Variants in CHLSN observed in about 807,000 individuals in gnomAD.
CHLSN encodes protein cholesin.
the CHLSN span, among the ~76,000 whole-genome samples, chr7:1,123,536 C>T: frequency 6.6e-6 from 1 of 152,040 alleles, no homozygotes; most frequent in African/African-American, 2.4e-5. This position sits in a 1 kb window ranked among gnomAD's most constrained non-coding sequence, Gnocchi z 4.4. Flanking sequence ...GAATGCTGCT[C>T]CCCAGGCCCA....
chr7:987,124 CCT>C, the CHLSN span: 4 of 1,564,638 alleles, frequency 2.6e-6, no homozygotes, highest in Non-Finnish European at 3.5e-6. Context: ...ACCCCGAGGG[CCT>C]GTTTGCTGAG....
the CHLSN span, among the ~76,000 whole-genome samples, chr7:1,102,852 A>G: frequency 6.6e-6 from 1 of 152,280 alleles, no homozygotes; most frequent in African/African-American, 2.4e-5. Flanking sequence ...CAGGGGCTTC[A>G]GTAAGAAAAA....
the CHLSN span, among the ~76,000 whole-genome samples, chr7:1,006,689 G>A: frequency 1.3e-5 from 2 of 148,754 alleles, no homozygotes; most frequent in East Asian, 2.0e-4. Flanking sequence ...AGCGCACGAC[G>A]GTCATACTGC....
At chr7:1,087,768 GA>G in the CHLSN span, among the ~76,000 whole-genome samples, 1 of 152,210 alleles carries the variant, frequency 6.6e-6, no homozygotes, top group Non-Finnish European at 1.5e-5. Context: ...AGTTAATTAT[GA>G]AATTTAGTGT....
the CHLSN span, chr7:989,662 T>A: frequency 6.5e-6 from 1 of 154,714 alleles, no homozygotes; most frequent in African/African-American, 2.4e-5. Context: ...GTGCCTGTAA[T>A]CCCAGCTACT....
chr7:1,017,696 G>A, the CHLSN span, among the ~76,000 whole-genome samples: 5 of 152,224 alleles, frequency 3.3e-5, no homozygotes, highest in Non-Finnish European at 4.4e-5. Context: ...ACCCCAACAC[G>A]TGAACTGACT....
At chr7:1,045,497 GCTTTAAAGGC>G in the CHLSN span, 1 of 152,250 alleles carries the variant, frequency 6.6e-6, no homozygotes, top group Admixed American at 6.5e-5. Context: ...CAAGAGGCTT[GCTTTAAAGGC>G]CTCTGCAAAC....
At chr7:1,030,618 C>T in the CHLSN span, among the ~76,000 whole-genome samples, 1 of 152,216 alleles carries the variant, frequency 6.6e-6, no homozygotes, top group Non-Finnish European at 1.5e-5. Context: ...CCCAGTGACC[C>T]ACCTGTAGGG....
At chr7:1,068,613 G>A in the CHLSN span, among the ~76,000 whole-genome samples, 1 of 152,078 alleles carries the variant, frequency 6.6e-6, no homozygotes, top group East Asian at 1.9e-4. Context: ...CTGGGTTGCC[G>A]ATGCCTGCTT....
At chr7:999,080 CGTGT>C in the CHLSN span, among the ~76,000 whole-genome samples, 18 of 151,268 alleles carry the variant, frequency 1.2e-4, no homozygotes, top group African/African-American at 2.2e-4. Context: ...GATAACTTTG[CGTGT>C]GTGTGTGTGT....
At chr7:1,117,501 A>C in the CHLSN span, among the ~76,000 whole-genome samples, 1 of 105,980 alleles carries the variant, frequency 9.4e-6, no homozygotes, top group Non-Finnish European at 1.8e-5. Flanking sequence ...CATCACCGAC[A>C]TCCACGCAGG....
the CHLSN span, among the ~76,000 whole-genome samples, chr7:1,046,066 A>G: frequency 1.3e-5 from 2 of 148,436 alleles, no homozygotes; most frequent in African/African-American, 5.0e-5. Context: ...TAGGATGTAA[A>G]GGCTGATTAT....
the CHLSN span, among the ~76,000 whole-genome samples, chr7:1,050,646 C>T: frequency 4.9e-4 from 75 of 152,330 alleles, no homozygotes; most frequent in Middle Eastern, 3.4e-3. Flanking sequence ...GGGCTTGGAA[C>T]GCCGCAGCCT....
the CHLSN span, among the ~76,000 whole-genome samples, chr7:1,015,767 G>C: frequency 6.6e-6 from 1 of 152,170 alleles, no homozygotes; most frequent in Admixed American, 6.5e-5. Context: ...ACCAAGGCAG[G>C]AGCGCATCCC....
At chr7:1,057,825 G>A in the CHLSN span, 2 of 777,440 alleles carry the variant, frequency 2.6e-6, no homozygotes, top group Non-Finnish European at 2.4e-6. Context: ...AGTCCACGTG[G>A]CACTGCAGAT....
the CHLSN span, among the ~76,000 whole-genome samples, chr7:1,130,912 G>A: frequency 6.6e-6 from 1 of 152,348 alleles, no homozygotes; most frequent in South Asian, 2.1e-4. Flanking sequence ...AACAGTCCAG[G>A]CATAGTGGCT....
the CHLSN span, among the ~76,000 whole-genome samples, chr7:1,032,331 G>T: frequency 6.6e-6 from 1 of 152,226 alleles, no homozygotes; most frequent in African/African-American, 2.4e-5. Context: ...TGCCGTGGAG[G>T]CCTCGGCGAG....
the CHLSN span, among the ~76,000 whole-genome samples, chr7:984,103 A>G: frequency 1.3e-5 from 2 of 152,158 alleles, no homozygotes; most frequent in African/African-American, 2.4e-5. Flanking sequence ...GTGCCACCCC[A>G]GCAGACAGCC....
the CHLSN span, among the ~76,000 whole-genome samples, chr7:1,009,016 T>TACACATGCACACACGTAC: frequency 2.2e-5 from 3 of 134,988 alleles, no homozygotes; most frequent in South Asian, 4.6e-4. Flanking sequence ...CACACACACA[T>TACACATGCACACACGTAC]ACACATGCAC....
Sources: gnomAD v4.1 joint callset for allele counts (sites outside exome capture counted in the v4.1 genomes callset) on GRCh38, gnomAD v4.1.1 for gene constraint, Gnocchi (gnomAD v3.1) non-coding constraint, MANE v1.5 for transcripts, NCBI Gene and HGNC (gene_info 2026-07-23, HGNC 2026-07-21) for gene names.